The following KIAA1549 variants were observed in gnomAD, a reference collection of about 807,000 sequenced individuals.
KIAA1549 encodes the protein UPF0606 protein KIAA1549.
In KIAA1549, 70 loss-of-function variants were observed where a neutral mutation model predicts 156.4. The ratio of observed to expected loss-of-function variants is 0.45; its 90% CI spans 0.37 to 0.55. KIAA1549 has a LOEUF of 0.55. Ranked by LOEUF, KIAA1549 falls within the 20% of genes least tolerant of loss-of-function variation. The pLI is 0.00. For synonymous variants in KIAA1549, 1,103 were observed against 1,066.4 expected, an observed-to-expected ratio of 1.03 and a Z score of -0.67; for missense variants, 2,428 against 2,540.9, an observed-to-expected ratio of 0.96 and a Z score of 0.96.
chr7:138,946,376 A>C (rs909485183), intron 1 of KIAA1549, among the ~76,000 whole-genome samples: 13 of 152,234 alleles, frequency 8.5e-5, no homozygotes, highest in Admixed American at 2.6e-4. Context: ...ATCTTCAGTG[A>C]AAATTTAAAC....
intron 1 of KIAA1549, among the ~76,000 whole-genome samples, chr7:138,930,119 G>T (rs1414176587): frequency 6.6e-6 from 1 of 152,176 alleles, no homozygotes; most frequent in African/African-American, 2.4e-5. Flanking sequence ...GGGTGACTAG[G>T]TCCATTGTCA....
chr7:138,903,507 T>C, intron 8 of KIAA1549, 81 bp downstream of exon 8: 1 of 1,399,718 alleles, frequency 7.1e-7, no homozygotes, highest in Non-Finnish European at 9.8e-7. Context: ...AAATACAGGG[T>C]TTTAGATGGA....
At chr7:138,944,709 C>A (rs1463970982) in intron 1 of KIAA1549, among the ~76,000 whole-genome samples, 2 of 151,876 alleles carry the variant, frequency 1.3e-5, no homozygotes, top group African/African-American at 4.8e-5. Context: ...TACTATTCAA[C>A]CACAGAAAGG....
intron 12 of KIAA1549, among the ~76,000 whole-genome samples, chr7:138,875,875 A>G (rs1031271432): frequency 6.6e-6 from 1 of 151,418 alleles, no homozygotes; most frequent in African/African-American, 2.4e-5. Flanking sequence ...AGATCACTGC[A>G]GCCTCGACCT....
intron 15 of KIAA1549, 150 bp from the exon 16 acceptor site, chr7:138,861,606 AT>A: frequency 1.6e-6 from 1 of 636,690 alleles, no homozygotes; most frequent in Non-Finnish European, 2.6e-6. Flanking sequence ...TAATTCCAGG[AT>A]TTGGGGAGGC....
At chr7:138,854,556 C>A (rs1257568583) in intron 16 of KIAA1549, among the ~76,000 whole-genome samples, 2 of 150,628 alleles carry the variant, frequency 1.3e-5, no homozygotes, top group South Asian at 4.2e-4. Flanking sequence ...TTTTTTTAAC[C>A]AAAAAAAAGC....
Position 138,881,570 on chromosome 7 carries a change from A to G in KIAA1549, c.4047T>C (p.Ser1349=). 6.2e-7 allele frequency: 1 copy of G among 1,612,458 alleles called. No homozygotes were observed. The highest frequency in any genetic ancestry group is 8.5e-7 in the Non-Finnish European group (1 of 1,179,010). ...IQQRQKLQIP[S]VKGFDFAKQH... ...GCTTAGCAAAATCGAAGCCCTTCAC[A>G]CTAGGGATCTGCAGCTGAAACATAC... Residue 1349 remains serine, a synonymous_variant, in exon 11 of 20, where the codon AGT becomes AGC. Transcript: ENST00000422774.
intron 17 of KIAA1549, among the ~76,000 whole-genome samples, chr7:138,848,703 A>T (rs866662021): frequency 6.6e-6 from 1 of 151,852 alleles, no homozygotes; most frequent in Admixed American, 6.6e-5. Flanking sequence ...ATGAACGGAG[A>T]AGTGTTCTTT....
intron 1 of KIAA1549, among the ~76,000 whole-genome samples, chr7:138,976,891 G>A (rs955966721): frequency 5.9e-5 from 9 of 152,188 alleles, no homozygotes; most frequent in Admixed American, 2.0e-4. Flanking sequence ...AGGGTGAGTC[G>A]TAGACATCTA....
intron 17 of KIAA1549, among the ~76,000 whole-genome samples, chr7:138,846,533 C>CAAAAA (rs1213246866): frequency 2.5e-4 from 15 of 59,972 alleles, no homozygotes; most frequent in South Asian, 7.6e-4. Context: ...GACTCCATCT[C>CAAAAA]AAAAAAAAAA....
At chr7:138,903,479 C>A in intron 8 of KIAA1549, 109 bp downstream of exon 8, 1 of 1,133,400 alleles carries the variant, frequency 8.8e-7, no homozygotes, top group Non-Finnish European at 1.2e-6. Context: ...TTTCTCATGG[C>A]ACTTCTCATT....
In KIAA1549 at chr7:138,837,078, C is replaced by T. The variant is rs1809730233; in HGVS notation, c.*828G>A. 1 of 228,190 alleles carries T rather than the reference C, an allele frequency of 4.4e-6. No homozygotes were observed. The highest frequency in any genetic ancestry group is 8.7e-6 in the Non-Finnish European group (1 of 115,114). The allele number at this position is 228,190 out of a possible 1,614,324, so 14.1% of individuals were successfully genotyped here. ...GACATGACCAGGAGTTGTGTGTGCC[C>T]AATTAAGAAACAGCAAATACAATGA... On this transcript the variant is annotated 3_prime_UTR_variant, in exon 20 of 20. Coordinates refer to ENST00000422774, the MANE Select transcript of KIAA1549 (RefSeq NM_001164665.2).
At chr7:138,903,844 TGTGTGTGTGCGC>T (rs1246184653) in intron 7 of KIAA1549, 108 bp from the exon 8 acceptor site, 478 of 431,184 alleles carry the variant, frequency 1.1e-3, no homozygotes, top group Middle Eastern at 1.5e-3. Context: ...TGTGTGTGTG[TGTGTGTGTGCGC>T]GCGCGCGCGC....
Position 138,840,134 on chromosome 7 carries a change from G to C in KIAA1549, c.5597C>G (p.Ala1866Gly). ...YGEDEAGRRE[A>G]THMLGHQEYS... The stretch of plus-strand genomic sequence containing the variant: ...ATGACCCAAACAGGAGATACTCACG[G>C]CCTCTCTTCGCCCCGCTTCGTCCTC... The change falls in exon 19 of 20, where the codon GCC becomes GGC. Residue 1866 changes from alanine (A) to glycine (G), a missense_variant and splice_region_variant. Physicochemically the swap from Ala to Gly is moderately conservative, Grantham distance 60 (BLOSUM62 0). Coordinates refer to ENST00000422774, the MANE Select transcript of KIAA1549 (RefSeq NM_001164665.2). 1 of 1,551,018 alleles carries C rather than the reference G, an allele frequency of 6.4e-7. No homozygotes were observed. Among genetic ancestry groups the C allele is most frequent in the Non-Finnish European group, 8.7e-7 (1 of 1,146,560 alleles).
Position 138,838,056 on chromosome 7 carries a change from C to A in KIAA1549, c.5703G>T (p.Arg1901=). Residue 1901 remains arginine, a synonymous_variant, in exon 20 of 20, where the codon CGG becomes CGT. Transcript: ENST00000422774. ...PSAPSGNLPH[R]GLQGPGLGYP... ...AACCCAGCCCAGGGCCCTGCAGTCCCCGGTGGGGGAGGTTCCCGGAAGGAG... is the reference window on the plus strand; with the variant it reads ...AACCCAGCCCAGGGCCCTGCAGTCCACGGTGGGGGAGGTTCCCGGAAGGAG... The A allele has an allele frequency of 6.3e-7, 1 of 1,599,038 alleles. No individual in the cohort carries two copies. Among genetic ancestry groups the A allele is most frequent in the East Asian group, 2.3e-5 (1 of 44,368 alleles).
In KIAA1549 at chr7:138,844,432, C is replaced by A; in HGVS notation, c.5337G>T (p.Val1779=). Residue 1779 remains valine (V), a synonymous_variant, in exon 18 of 20, where the codon GTG becomes GTT. Coordinates refer to ENST00000422774, the MANE Select transcript of KIAA1549 (RefSeq NM_001164665.2). ...CCTGTGGCTGCTGAGGGTCAGGGGGCACCAGCTCTGTAGACTGCAGCAAAC... is the reference window on the plus strand; with the variant it reads ...CCTGTGGCTGCTGAGGGTCAGGGGGAACCAGCTCTGTAGACTGCAGCAAAC... ...GPGLLQSTEL[V]PPDPQQPQAS... is the part of the protein sequence containing the mutation. 2 of 1,583,632 alleles carry A rather than the reference C, an allele frequency of 1.3e-6. No homozygotes were observed. The highest frequency in any genetic ancestry group is 1.7e-6 in the Non-Finnish European group (2 of 1,166,496).
In KIAA1549 at chr7:138,909,073, G is replaced by T. The variant is rs1175802187; in HGVS notation, c.3194C>A (p.Thr1065Asn). Residue 1065 changes from threonine to asparagine, a missense_variant, in exon 5 of 20, where the codon ACC becomes AAC. By Grantham distance (65) the Thr-to-Asn change is moderately conservative. Coordinates refer to ENST00000422774, the MANE Select transcript of KIAA1549 (RefSeq NM_001164665.2). ...PSVDTGFCNF[T>N]QRIEKGLMTA... ...CATTAGGCCTTTCTCAATGCGCTGGGTGAAGTTGCAGAAGCCAGTATCCAC... is the reference window on the plus strand; with the variant it reads ...CATTAGGCCTTTCTCAATGCGCTGGTTGAAGTTGCAGAAGCCAGTATCCAC... 2 of 1,613,764 alleles carry T rather than the reference G, an allele frequency of 1.2e-6. No homozygotes were observed. The highest frequency in any genetic ancestry group is 1.7e-5 in the Admixed American group (1 of 60,006).
intron 17 of KIAA1549, among the ~76,000 whole-genome samples, chr7:138,848,473 G>T (rs1810140836): frequency 6.6e-6 from 1 of 152,158 alleles, no homozygotes; most frequent in Non-Finnish European, 1.5e-5. Flanking sequence ...ACACTGCTTG[G>T]TTTTTAAATG....
intron 1 of KIAA1549, among the ~76,000 whole-genome samples, chr7:138,924,182 CTTTT>C (rs1233229501): frequency 5.4e-5 from 5 of 92,356 alleles, no homozygotes; most frequent in Non-Finnish European, 1.1e-4. Context: ...CTTTTCTTTT[CTTTT>C]TTTTTTTTCT....
Sources: gnomAD v4.1 joint callset for allele counts (sites outside exome capture counted in the v4.1 genomes callset) on GRCh38, gnomAD v4.1.1 for gene constraint, MANE v1.5 for transcripts, NCBI Gene and HGNC (gene_info 2026-07-23, HGNC 2026-07-21) for gene names.